Variants in KCNH5 observed in about 807,000 individuals in gnomAD.
The protein encoded by KCNH5 is potassium voltage-gated channel subfamily H member 5, also known as voltage-gated delayed rectifier potassium channel KCNH5.
In KCNH5, 46 loss-of-function variants were observed where a neutral mutation model predicts 96.1. That is an observed-to-expected ratio of 0.48 (90% CI 0.38 to 0.61). The LOEUF (loss-of-function observed/expected upper bound fraction) is 0.61. KCNH5 is among the 20% of genes least tolerant of loss of function. The probability of loss-of-function intolerance (pLI) is 0.00; values close to 1 mark genes in which losing one functional copy is unlikely to be tolerated. For synonymous variants in KCNH5, 439 were observed against 449.8 expected (o/e 0.98, Z 0.30); for missense variants, 907 against 1,225.8 (o/e 0.74, Z 3.88).
At chr14:62,968,993 T>C (rs572940060) in intron 6 of KCNH5, among the ~76,000 whole-genome samples, 13 of 152,296 alleles carry the variant, frequency 8.5e-5, no homozygotes, top group Admixed American at 2.0e-4. Context: ...CCAATATAAA[T>C]ATAAATGATT....
At chr14:62,866,284 TG>T (rs533607676) in intron 7 of KCNH5, among the ~76,000 whole-genome samples, 72 of 152,318 alleles carry the variant, frequency 4.7e-4, no homozygotes, top group Non-Finnish European at 9.0e-4. Context: ...AGTTTTGACT[TG>T]ATAAAATTAT....
At chr14:62,818,606 G>T (rs1296129422) in intron 8 of KCNH5, among the ~76,000 whole-genome samples, 3 of 152,048 alleles carry the variant, frequency 2.0e-5, no homozygotes, top group Admixed American at 6.6e-5. Context: ...AAACTCTTTG[G>T]TAATTTTCAA....
intron 6 of KCNH5, among the ~76,000 whole-genome samples, chr14:62,980,187 A>T (rs1890579945): frequency 6.6e-6 from 1 of 152,126 alleles, no homozygotes; most frequent in South Asian, 2.1e-4. Flanking sequence ...AGTCAATTAA[A>T]TCTCTTCTGT....
At chr14:62,755,193 G>A (rs1285838545) in intron 10 of KCNH5, among the ~76,000 whole-genome samples, 1 of 151,704 alleles carries the variant, frequency 6.6e-6, no homozygotes, top group African/African-American at 2.4e-5. Flanking sequence ...AAACAAAATT[G>A]ACAAATATAA....
At chr14:63,027,315 G>A (rs1891542143) in intron 1 of KCNH5, among the ~76,000 whole-genome samples, 1 of 151,856 alleles carries the variant, frequency 6.6e-6, no homozygotes, top group Admixed American at 6.6e-5. Flanking sequence ...TTGTATATTT[G>A]AAAATCTCCA....
intron 4 of KCNH5, among the ~76,000 whole-genome samples, chr14:63,001,066 C>T (rs1022903635): frequency 8.5e-5 from 13 of 152,122 alleles, no homozygotes; most frequent in Admixed American, 6.5e-4. Context: ...CAGAGTGAGA[C>T]CTTGACTAAA....
At chr14:62,709,824 G>A (rs1884531636) in intron 10 of KCNH5, among the ~76,000 whole-genome samples, 1 of 152,154 alleles carries the variant, frequency 6.6e-6, no homozygotes, top group African/African-American at 2.4e-5. Context: ...GTCCTGAAAA[G>A]CAAAGTAACT....
intron 8 of KCNH5, among the ~76,000 whole-genome samples, chr14:62,820,756 T>C (rs1420534457): frequency 6.6e-6 from 1 of 152,176 alleles, no homozygotes; most frequent in Non-Finnish European, 1.5e-5. Flanking sequence ...GCTATTTACA[T>C]TGATTCCATG....
At position 62,708,416 on chromosome 14, in the gene KCNH5, C is replaced by A. The variant is rs1475122550; in HGVS notation, c.2059G>T (p.Glu687Ter). ...TCATTCTTCTGCCGGAGGCGCTCCTCCTCCTCTTTCTTCACATCACTGATC... is the reference window on the plus strand; with the variant it reads ...TCATTCTTCTGCCGGAGGCGCTCCTACTCCTCTTTCTTCACATCACTGATC... ...RKISDVKKEEEERLRQKNEVT... is the reference protein window; with the variant it reads ...RKISDVKKEE The change falls in exon 11 of 11, where the codon GAG becomes TAG. Residue 687 changes from glutamate to a stop codon, truncating the protein, a stop_gained. Coordinates refer to ENST00000322893, the MANE Select transcript of KCNH5 (RefSeq NM_139318.5). LOFTEE classifies it high-confidence loss of function. 1 of 1,607,584 alleles carries A rather than the reference C, an allele frequency of 6.2e-7. No individual in the cohort carries two copies. The highest frequency in any genetic ancestry group is 2.2e-5 in the East Asian group (1 of 44,830).
rs72728779 is a variant in KCNH5, at chr14:62,915,205, C to T, written c.1369+34928G>A. Among the ~76,000 whole-genome samples, 906 of 152,144 alleles carry T rather than the reference C, an allele frequency of 6.0e-3. 4 individuals carry two copies. Among genetic ancestry groups the T allele is most frequent in the Non-Finnish European group, 0.01 (707 of 67,976 alleles). On this transcript the variant is annotated intron_variant, in intron 7 of 10. Coordinates refer to ENST00000322893, the MANE Select transcript of KCNH5 (RefSeq NM_139318.5). ...TGTGTAGAACTAATTGTGCTTTTTTCCTGTTTGTTGAATTCATGTCATAAA... is the reference window on the plus strand; with the variant it reads ...TGTGTAGAACTAATTGTGCTTTTTTTCTGTTTGTTGAATTCATGTCATAAA...
intron 7 of KCNH5, among the ~76,000 whole-genome samples, chr14:62,885,465 A>T (rs1888577968): frequency 6.6e-6 from 1 of 152,232 alleles, no homozygotes; most frequent in African/African-American, 2.4e-5. Context: ...TATTTACATG[A>T]TTGGACAAGG....
chr14:62,835,423 A>C (rs1887444938), intron 8 of KCNH5, among the ~76,000 whole-genome samples: 1 of 152,070 alleles, frequency 6.6e-6, no homozygotes, highest in African/African-American at 2.4e-5. Context: ...TAGGATAAAA[A>C]ATTATGAGAT....
Position 62,702,993 on chromosome 14 carries a change from T to C in KCNH5, c.*4515A>G, listed in dbSNP as rs1884370598. The C allele has an allele frequency of 6.6e-6, 1 of 151,974 alleles. No homozygotes were observed. Among genetic ancestry groups the C allele is most frequent in the Admixed American group, 6.6e-5 (1 of 15,246 alleles). The allele number at this position is 151,974 out of a possible 1,614,324, so 9.4% of individuals were successfully genotyped here. A position where few individuals can be genotyped will look rare whatever the true frequency, so the allele number is the denominator to read the frequency against. ...GGGGTACACATTCAGTTTTGTTACA[T>C]AGATACATTGGTGAACTACTCTATA... On this transcript the variant is annotated 3_prime_UTR_variant, in exon 11 of 11. Transcript: ENST00000322893.
At chr14:62,772,717 C>T (rs182765569) in intron 10 of KCNH5, among the ~76,000 whole-genome samples, 8 of 150,252 alleles carry the variant, frequency 5.3e-5, no homozygotes, top group Admixed American at 1.3e-4. Flanking sequence ...CTAACCAGTA[C>T]AGCAGTATTG....
chr14:62,723,553 C>A (rs1884860893), intron 10 of KCNH5, among the ~76,000 whole-genome samples: 1 of 152,202 alleles, frequency 6.6e-6, no homozygotes. Context: ...GACATTCATT[C>A]ACAGTTTGAC....
At chr14:62,839,293 G>T (rs1887527508) in intron 8 of KCNH5, among the ~76,000 whole-genome samples, 1 of 151,924 alleles carries the variant, frequency 6.6e-6, no homozygotes. Context: ...AACTAAACAA[G>T]CACTTTTGAA....
intron 7 of KCNH5, among the ~76,000 whole-genome samples, chr14:62,878,844 A>T (rs889427869): frequency 6.6e-6 from 1 of 152,036 alleles, no homozygotes; most frequent in Non-Finnish European, 1.5e-5. Context: ...ATATCTTCAC[A>T]TGGTCTTCCC....
At chr14:62,888,911 G>A (rs762480688) in intron 7 of KCNH5, among the ~76,000 whole-genome samples, 8 of 152,140 alleles carry the variant, frequency 5.3e-5, no homozygotes, top group East Asian at 1.9e-4. Context: ...GTTGCTCTCC[G>A]ATAAAACCTA....
At chr14:62,858,910 G>T (rs1348897603) in intron 7 of KCNH5, among the ~76,000 whole-genome samples, 1 of 152,248 alleles carries the variant, frequency 6.6e-6, no homozygotes, top group South Asian at 2.1e-4. Context: ...TATTCATCCA[G>T]CTGCCTCAGG....
Sources: gnomAD v4.1 joint callset for allele counts (sites outside exome capture counted in the v4.1 genomes callset) on GRCh38, gnomAD v4.1.1 for gene constraint, MANE v1.5 for transcripts, NCBI Gene and HGNC (gene_info 2026-07-23, HGNC 2026-07-21) for gene names.